C6orf132: variants seen among roughly 807,000 people sequenced by gnomAD.
C6orf132 encodes chromosome 6 open reading frame 132, also known as uncharacterized protein C6orf132.
Under a neutral mutation model 65.3 loss-of-function variants are expected in C6orf132, and 43 were observed. That is an observed-to-expected ratio of 0.66 (90% CI 0.52 to 0.85). The LOEUF (loss-of-function observed/expected upper bound fraction) is 0.85, where lower values mean the gene tolerates loss of function less well. C6orf132 is among the 40% of genes least tolerant of loss of function. The pLI, the probability that C6orf132 is intolerant of heterozygous loss-of-function variation, is 0.00. For synonymous variants in C6orf132, 631 were observed against 654.1 expected, an observed-to-expected ratio of 0.96 and a Z score of 0.54; for missense variants, 1,488 against 1,548.8, an observed-to-expected ratio of 0.96 and a Z score of 0.66.
chr6:42,128,607 C>T (rs771467021), intron 2 of C6orf132, 65 bp downstream of exon 2: 5 of 1,292,450 alleles, frequency 3.9e-6, no homozygotes, highest in Non-Finnish European at 4.4e-6. Flanking sequence ...TCCACTCGGG[C>T]TAGGGCAGCC....
chr6:42,109,667 A>G (rs1766466998), intron 3 of C6orf132, among the ~76,000 whole-genome samples: 2 of 152,248 alleles, frequency 1.3e-5, no homozygotes, highest in South Asian at 2.1e-4. Flanking sequence ...GCAAGCAAGC[A>G]AAGTGGCCAG....
chr6:42,121,580 T>G (rs1283339210), intron 2 of C6orf132, among the ~76,000 whole-genome samples: 1 of 152,172 alleles, frequency 6.6e-6, no homozygotes, highest in African/African-American at 2.4e-5. Flanking sequence ...CTGGGATTCC[T>G]CAGAGCTCAG....
In C6orf132 at chr6:42,110,299, A is replaced by G. The variant is rs1766474650; in HGVS notation, c.253-8T>C. Reference sequence around the variant, plus strand: ...ATGGTTTTCCTGGGCATTCTGAAAGAGACCAGAAAGAAATCAGGGGACAGG... The same window carrying G: ...ATGGTTTTCCTGGGCATTCTGAAAGGGACCAGAAAGAAATCAGGGGACAGG... On this transcript the variant is annotated splice_polypyrimidine_tract_variant and splice_region_variant and intron_variant, in intron 2 of 4. Transcript: ENST00000341865. 2 of 1,543,324 alleles carry G rather than the reference A, an allele frequency of 1.3e-6. No individual in the cohort carries two copies. Among genetic ancestry groups the G allele is most frequent in the African/African-American group, 2.8e-5 (2 of 72,700 alleles).
intron 2 of C6orf132, among the ~76,000 whole-genome samples, chr6:42,125,448 G>A (rs1766749148): frequency 6.6e-6 from 1 of 152,184 alleles, no homozygotes; most frequent in African/African-American, 2.4e-5. Flanking sequence ...CGGTGGCCAC[G>A]ATCACAGGCC....
intron 1 of C6orf132, among the ~76,000 whole-genome samples, chr6:42,129,383 A>T (rs72856703): frequency 0.19 from 28,577 of 152,140 alleles, 2,802 homozygotes; most frequent in Middle Eastern, 0.23. Context: ...CTGGTTAAAA[A>T]ATCCCAGCTC....
chr6:42,121,084 T>C (rs1343233399), intron 2 of C6orf132, among the ~76,000 whole-genome samples: 1 of 152,198 alleles, frequency 6.6e-6, no homozygotes, highest in Non-Finnish European at 1.5e-5. Context: ...CTTCTGAGGC[T>C]CAGCTTTCTC....
intron 2 of C6orf132, among the ~76,000 whole-genome samples, chr6:42,120,890 G>A (rs1431304382): frequency 6.6e-6 from 1 of 152,146 alleles, no homozygotes; most frequent in Non-Finnish European, 1.5e-5. Context: ...CAAAGTGTTG[G>A]GATTACAGGC....
At chr6:42,132,615 C>T (rs1445103304) in intron 1 of C6orf132, among the ~76,000 whole-genome samples, 1 of 151,542 alleles carries the variant, frequency 6.6e-6, no homozygotes, top group African/African-American at 2.4e-5. Flanking sequence ...TTTGGGAGGC[C>T]GAGGTGGGTG....
chr6:42,123,705 C>T (rs1766725591), intron 2 of C6orf132, among the ~76,000 whole-genome samples: 2 of 152,170 alleles, frequency 1.3e-5, no homozygotes, highest in African/African-American at 2.4e-5. Flanking sequence ...AGCCAGGCCT[C>T]CGATGTTGTA....
intron 1 of C6orf132, among the ~76,000 whole-genome samples, chr6:42,135,175 C>T (rs1020283712): frequency 1.1e-4 from 17 of 152,324 alleles, no homozygotes; most frequent in African/African-American, 4.1e-4. Context: ...GGGAGGCAGG[C>T]GGCCCTTTGG....
In C6orf132 at chr6:42,104,401, T is replaced by C. The variant is rs1766349795; in HGVS notation, c.3449+62A>G. Reference sequence around the variant, plus strand: ...TCTCTTGACGGATGGCCGGGACTCCTTGGCCCTCGCCTGGCTTTCCACCCC... The same window carrying C: ...TCTCTTGACGGATGGCCGGGACTCCCTGGCCCTCGCCTGGCTTTCCACCCC... On this transcript the variant is annotated intron_variant, in intron 4 of 4. Coordinates refer to ENST00000341865, the MANE Select transcript of C6orf132 (RefSeq NM_001164446.3). The surrounding 1 kb of genome is among the most constrained non-coding windows in gnomAD (Gnocchi z 4.1). The C allele has an allele frequency of 4.9e-6, 6 of 1,227,506 alleles. No homozygotes were observed. Among genetic ancestry groups the C allele is most frequent in the Non-Finnish European group, 5.1e-6 (5 of 985,580 alleles). 76.0% of individuals were successfully genotyped at this position (1,227,506 alleles called of 1,614,324 possible). A position where few individuals can be genotyped will look rare whatever the true frequency, so the allele number is the denominator to read the frequency against.
chr6:42,110,227 TTGTC>T lies in C6orf132; in HGVS notation c.313_316del (p.Asp105LysfsTer3), dbSNP rs1766473064. The T allele has an allele frequency of 6.5e-7, 1 of 1,549,014 alleles. No individual in the cohort carries two copies. Among genetic ancestry groups the T allele is most frequent in the Non-Finnish European group, 8.7e-7 (1 of 1,145,998 alleles). On this transcript the variant is annotated frameshift_variant, in exon 3 of 5. Coordinates refer to ENST00000341865, the MANE Select transcript of C6orf132 (RefSeq NM_001164446.3). LOFTEE classifies it high-confidence loss of function. ...CAGGGTTCACTTACCTGTCACTTCT[TTGTC>T]TGCAAAATCATCTGGAACCGAGGGG... is the stretch of plus-strand genomic sequence containing the variant.
chr6:42,107,369 TG>T lies in C6orf132; in HGVS notation c.542del (p.Pro181HisfsTer44), dbSNP rs1766430142. 5 of 173,932 alleles carry T rather than the reference TG, an allele frequency of 2.9e-5. No individual in the cohort carries two copies. Among genetic ancestry groups the T allele is most frequent in the African/African-American group, 1.3e-4 (1 of 7,958 alleles). 10.8% of individuals were successfully genotyped at this position (173,932 alleles called of 1,614,324 possible). A position where few individuals can be genotyped will look rare whatever the true frequency, so the allele number is the denominator to read the frequency against. ...GAGGTGGGGCCATGCTGGGCGGGGGTGGGGGTTCCAGCAGCAGGGGAGGTGG... is the reference window on the plus strand; with the variant it reads ...GAGGTGGGGCCATGCTGGGCGGGGGTGGGGTTCCAGCAGCAGGGGAGGTGG... ...PPPPPLLLEPPPPPSMAPPPP... is the reference protein window; with the variant it reads ...PPPPPLLLEPXPPPSMAPPPP... On this transcript the variant is annotated frameshift_variant, in exon 4 of 5. Transcript: ENST00000341865. LOFTEE classifies it high-confidence loss of function.
intron 2 of C6orf132, chr6:42,126,847 CAA>C (rs35231653): frequency 0.015 from 5,250 of 342,140 alleles, no homozygotes; most frequent in South Asian, 0.033. Flanking sequence ...ACTCAGTCTG[CAA>C]AAAAAAAAAA....
chr6:42,120,615 T>C (rs944403275), intron 2 of C6orf132, among the ~76,000 whole-genome samples: 1 of 150,472 alleles, frequency 6.6e-6, no homozygotes, highest in Non-Finnish European at 1.5e-5. Context: ...AATAATAGTG[T>C]GTTTTTTGGG....
intron 1 of C6orf132, among the ~76,000 whole-genome samples, chr6:42,142,086 G>C (rs67286884): frequency 6.6e-6 from 1 of 151,462 alleles, no homozygotes. Context: ...CGTGGTGGTG[G>C]GGGGGGTCCC....
chr6:42,127,985 C>T (rs918561941), intron 2 of C6orf132, among the ~76,000 whole-genome samples: 30 of 149,026 alleles, frequency 2.0e-4, no homozygotes, highest in Non-Finnish European at 3.0e-4. Context: ...AGGGCAGTGG[C>T]GCCATCTTGG....
chr6:42,123,772 G>A (rs1261853931), intron 2 of C6orf132, among the ~76,000 whole-genome samples: 1 of 152,154 alleles, frequency 6.6e-6, no homozygotes, highest in Admixed American at 6.5e-5. Context: ...ATCGAGCCCA[G>A]TGGCCTGGAC....
intron 1 of C6orf132, among the ~76,000 whole-genome samples, chr6:42,139,447 G>A (rs1582288338): frequency 6.6e-6 from 1 of 152,340 alleles, no homozygotes; most frequent in East Asian, 1.9e-4. Flanking sequence ...TAGTAAATAT[G>A]TTAGCCTTTG....
Sources: gnomAD v4.1 joint callset for allele counts (sites outside exome capture counted in the v4.1 genomes callset) on GRCh38, gnomAD v4.1.1 for gene constraint, Gnocchi (gnomAD v3.1) non-coding constraint, MANE v1.5 for transcripts, NCBI Gene and HGNC (gene_info 2026-07-23, HGNC 2026-07-21) for gene names.